LGMN: variants seen among roughly 807,000 people sequenced by gnomAD.
LGMN encodes the protein asparaginyl endopeptidase.
Under a neutral mutation model 56.8 loss-of-function variants are expected in LGMN, and 36 were observed. The ratio of observed to expected loss-of-function variants is 0.63; its 90% confidence interval spans 0.49 to 0.84. LGMN has a LOEUF of 0.84. Among genes scored for constraint, LGMN ranks in the 40% least tolerant of loss-of-function variants. LGMN has a pLI of 0.00. For missense variants in LGMN, 446 were observed against 556.1 expected, an observed-to-expected ratio of 0.80 and a Z score of 1.99; for synonymous variants, 199 against 210.1, an observed-to-expected ratio of 0.95 and a Z score of 0.46.
Position 92,724,992 on chromosome 14 carries a change from C to T in LGMN, c.139-6148G>A, listed in dbSNP as rs534850176. 3.3e-5 allele frequency among the ~76,000 whole-genome samples: 5 copies of T among 152,284 alleles called. No homozygotes were observed. In the South Asian group the frequency reaches 1.0e-3, roughly 32 times the overall value. On this transcript the variant is annotated intron_variant, in intron 2 of 13. Transcript: ENST00000334869. ...CAGGCTGGGGTTTTGCAGTGTGCCT[C>T]GCTGAGCCCACTGCCAACCCCAGAG...
chr14:92,736,831 C>T (rs1381784722), intron 1 of LGMN, among the ~76,000 whole-genome samples: 1 of 152,130 alleles, frequency 6.6e-6, no homozygotes, highest in Non-Finnish European at 1.5e-5. Context: ...TCAAGCACCC[C>T]TGGCAGCTCG....
chr14:92,743,730 G>A (rs1427817535), intron 1 of LGMN, among the ~76,000 whole-genome samples: 3 of 151,534 alleles, frequency 2.0e-5, no homozygotes, highest in Admixed American at 1.3e-4. Context: ...GAGTCCTGGA[G>A]GCAGAGGTTG....
intron 2 of LGMN, 103 bp downstream of exon 2, chr14:92,732,546 G>A (rs897225627): frequency 2.7e-5 from 36 of 1,348,284 alleles, no homozygotes; most frequent in South Asian, 4.1e-5. Context: ...TAACAGGTCC[G>A]TCAATGGCTT....
chr14:92,722,362 C>T (rs1293794086), intron 2 of LGMN, among the ~76,000 whole-genome samples: 2 of 152,092 alleles, frequency 1.3e-5, no homozygotes, highest in African/African-American at 2.4e-5. Context: ...TTTGGGATCA[C>T]TTGAGGTCAG....
intron 12 of LGMN, 70 bp downstream of exon 12, chr14:92,706,413 A>G (rs1889430241): frequency 7.6e-7 from 1 of 1,311,504 alleles, no homozygotes; most frequent in Admixed American, 2.4e-5. Context: ...CGTACAACCA[A>G]TGTGACTGCC....
chr14:92,707,381 G>A (rs1321418014), intron 11 of LGMN, among the ~76,000 whole-genome samples: 2 of 152,090 alleles, frequency 1.3e-5, no homozygotes, highest in Non-Finnish European at 2.9e-5. Context: ...AGTTCTCCAG[G>A]CGTGGTCCAG....
intron 1 of LGMN, among the ~76,000 whole-genome samples, chr14:92,747,918 A>T (rs1891890062): frequency 6.6e-6 from 1 of 152,130 alleles, no homozygotes; most frequent in Non-Finnish European, 1.5e-5. Flanking sequence ...CGGGAAAGGA[A>T]ACCAGTTAAC....
chr14:92,722,687 CTA>C (rs1297672015), intron 2 of LGMN, among the ~76,000 whole-genome samples: 1 of 152,136 alleles, frequency 6.6e-6, no homozygotes, highest in Admixed American at 6.5e-5. Context: ...AAGCAACAGA[CTA>C]TGAGAAAATA....
At chr14:92,708,656 G>T (rs995566107) in intron 11 of LGMN, among the ~76,000 whole-genome samples, 4 of 151,886 alleles carry the variant, frequency 2.6e-5, no homozygotes, top group Non-Finnish European at 2.9e-5. Context: ...AGGAGTTCGA[G>T]ACCAGCCTGA....
At chr14:92,743,949 A>G (rs1045808944) in intron 1 of LGMN, among the ~76,000 whole-genome samples, 1 of 151,996 alleles carries the variant, frequency 6.6e-6, no homozygotes, top group East Asian at 1.9e-4. Context: ...AGGTCAAGAG[A>G]TCAATACCAT....
intron 2 of LGMN, 90 bp downstream of exon 2, chr14:92,732,559 C>T: frequency 6.9e-7 from 1 of 1,456,920 alleles, no homozygotes; most frequent in Non-Finnish European, 9.4e-7. Flanking sequence ...AATGGCTTTT[C>T]AAGTCTTTTC....
At position 92,711,957 on chromosome 14, in the gene LGMN, T is replaced by G. The variant is rs770788277; in HGVS notation, c.611-2A>C. 6.3e-7 allele frequency: 1 copy of G among 1,594,614 alleles called. No individual in the cohort carries two copies. Among genetic ancestry groups the G allele is most frequent in the East Asian group, 2.2e-5 (1 of 44,790 alleles). ...GGTTGGCAGCAGTAGTTGCATAAAC[T>G]ACGAGGAATTAAAGATGATCTTTTA... On this transcript the variant is annotated splice_acceptor_variant, in intron 8 of 13. Coordinates refer to ENST00000334869, the MANE Select transcript of LGMN (RefSeq NM_005606.7). LOFTEE classifies it high-confidence loss of function.
Position 92,706,559 on chromosome 14 carries a change from G to T in LGMN, c.1115C>A (p.Pro372Gln), listed in dbSNP as rs765350803. The T allele has an allele frequency of 8.1e-6, 13 of 1,603,134 alleles. No individual in the cohort carries two copies. In the East Asian group the frequency reaches 2.7e-4, roughly 33 times the overall value. The change falls in exon 12 of 14, where the codon CCG (proline) becomes CAG (glutamine). Residue 372 changes from proline to glutamine, a missense_variant. Coordinates refer to ENST00000334869, the MANE Select transcript of LGMN (RefSeq NM_005606.7). ...TGGGTAGCAGCTGTGCCCCGTGAGC[G>T]GGGCTCTCTCGGACAGGAGCTGCTC... ...EVEQLLSERA[P>Q]LTGHSCYPEA...
chr14:92,708,194 C>T (rs1889546553), intron 11 of LGMN, among the ~76,000 whole-genome samples: 1 of 151,332 alleles, frequency 6.6e-6, no homozygotes, highest in South Asian at 2.1e-4. Flanking sequence ...GGTTCACTTT[C>T]TGTGAACTAT....
chr14:92,708,878 A>T (rs1349763050), intron 11 of LGMN, among the ~76,000 whole-genome samples: 1 of 144,948 alleles, frequency 6.9e-6, no homozygotes, highest in African/African-American at 2.6e-5. Flanking sequence ...AAAAAAAAAA[A>T]AAATCTTGCC....
At position 92,718,728 on chromosome 14, in the gene LGMN, C is replaced by T; in HGVS notation, c.236+19G>A. ...CCCTGAAGTCCTTCCCCACCAAGTTCCAAGTGTTCCCCACTTACTCTTCAG... is the reference window on the plus strand; with the variant it reads ...CCCTGAAGTCCTTCCCCACCAAGTTTCAAGTGTTCCCCACTTACTCTTCAG... On this transcript the variant is annotated intron_variant, in intron 3 of 13. Coordinates refer to ENST00000334869, the MANE Select transcript of LGMN (RefSeq NM_005606.7). 6.5e-7 allele frequency: 1 copy of T among 1,549,280 alleles called. No homozygotes were observed. The highest frequency in any genetic ancestry group is 8.9e-7 in the Non-Finnish European group (1 of 1,122,134).
chr14:92,704,943 C>G (rs762502392), intron 12 of LGMN: 1 of 456,352 alleles, frequency 2.2e-6, no homozygotes, highest in Non-Finnish European at 4.1e-6. Context: ...TCTGCACTCT[C>G]AAATCTGAGG....
At position 92,704,276 on chromosome 14, in the gene LGMN, G is replaced by C. The variant is rs758945329; in HGVS notation, c.*43C>G. 10 of 1,613,632 alleles carry C rather than the reference G, an allele frequency of 6.2e-6. No homozygotes were observed. In the African/African-American group the frequency reaches 1.2e-4, roughly 19 times the overall value. On this transcript the variant is annotated 3_prime_UTR_variant, in exon 14 of 14. Transcript: ENST00000334869. The stretch of plus-strand genomic sequence containing the variant: ...TCCAGTCTCTGATCAGCACACAGTC[G>C]GTGGGGCGCTCACACTTGGAAAAGC...
intron 2 of LGMN, 143 bp from the exon 3 acceptor site, chr14:92,718,987 C>T (rs946399594): frequency 8.6e-6 from 5 of 583,988 alleles, no homozygotes; most frequent in South Asian, 6.4e-5. Context: ...TTTTAAAACA[C>T]ATACATTGAT....
Sources: allele counts gnomAD v4.1 joint callset (sites outside exome capture counted in the v4.1 genomes callset), GRCh38; gene constraint gnomAD v4.1.1; transcripts MANE v1.5; gene names NCBI Gene and HGNC (gene_info 2026-07-23, HGNC 2026-07-21).